The following GABRB2 variants were observed in gnomAD, a reference collection of about 807,000 sequenced individuals.
GABRB2 encodes gamma-aminobutyric acid receptor subunit beta-2.
In GABRB2, 16 loss-of-function variants were observed where a neutral mutation model predicts 54.7. The observed-to-expected ratio is 0.29, with a 90% CI of 0.20 to 0.44. The LOEUF (loss-of-function observed/expected upper bound fraction) is 0.44, where lower values mean the gene tolerates loss of function less well. Ranked by LOEUF, GABRB2 falls within the 20% of genes least tolerant of loss-of-function variation. The pLI is 1.00. For missense variants in GABRB2, 355 were observed against 644.0 expected, an observed-to-expected ratio of 0.55 and a Z score of 4.86; for synonymous variants, 244 against 233.8, an observed-to-expected ratio of 1.04 and a Z score of -0.40.
chr5:161,458,841 G>A (rs757629324), intron 4 of GABRB2, among the ~76,000 whole-genome samples: 29 of 152,154 alleles, frequency 1.9e-4, no homozygotes, highest in Non-Finnish European at 3.5e-4. Flanking sequence ...TCACCATTAT[G>A]AGAAGGTAAC....
intron 3 of GABRB2, among the ~76,000 whole-genome samples, chr5:161,478,761 G>A (rs559092103): frequency 6.6e-6 from 1 of 152,134 alleles, no homozygotes; most frequent in South Asian, 2.1e-4. Context: ...GTGATGAGCA[G>A]GGTCCATCCC....
At chr5:161,378,317 TGAG>T in intron 5 of GABRB2, among the ~76,000 whole-genome samples, 1 of 152,236 alleles carries the variant, frequency 6.6e-6, no homozygotes, top group Admixed American at 6.6e-5. Context: ...CTCCTAATCA[TGAG>T]AAGAAAAATA....
intron 4 of GABRB2, 104 bp from the exon 5 acceptor site, chr5:161,411,161 C>G: frequency 1.2e-6 from 1 of 812,876 alleles, no homozygotes; most frequent in South Asian, 1.6e-5. Context: ...ACCCTAAGTA[C>G]TAATGAAAAT....
intron 3 of GABRB2, among the ~76,000 whole-genome samples, chr5:161,469,672 C>CACACATACACACACACAT (rs1554102760): frequency 7.1e-6 from 1 of 141,154 alleles, no homozygotes; most frequent in African/African-American, 2.6e-5. Context: ...AAACATTATT[C>CACACATACACACACACAT]ACACATACAC....
chr5:161,299,245 C>T (rs1309536973), intron 9 of GABRB2, among the ~76,000 whole-genome samples: 1 of 152,146 alleles, frequency 6.6e-6, no homozygotes, highest in Non-Finnish European at 1.5e-5. Context: ...TATGGGAAAC[C>T]ACCACTTCCC....
chr5:161,338,868 C>T (rs1203020600), intron 5 of GABRB2, among the ~76,000 whole-genome samples: 1 of 152,098 alleles, frequency 6.6e-6, no homozygotes, highest in Non-Finnish European at 1.5e-5. Flanking sequence ...GTGAATTGAA[C>T]AGTAGGCAAA....
At chr5:161,412,727 C>G in intron 4 of GABRB2, among the ~76,000 whole-genome samples, 1 of 152,130 alleles carries the variant, frequency 6.6e-6, no homozygotes, top group East Asian at 1.9e-4. Flanking sequence ...GCCTAGAACA[C>G]GTGTCTCCCT....
intron 5 of GABRB2, among the ~76,000 whole-genome samples, chr5:161,364,144 A>T (rs1326540004): frequency 1.3e-5 from 2 of 152,142 alleles, no homozygotes. Flanking sequence ...GTCATTTTTA[A>T]TGTATATATA....
intron 3 of GABRB2, 41 bp from the exon 4 acceptor site, chr5:161,459,885 A>G: frequency 8.4e-7 from 1 of 1,192,404 alleles, no homozygotes. Context: ...GTTTACACCC[A>G]GACAGATCTG....
At chr5:161,314,495 C>G (rs1757967377) in intron 9 of GABRB2, among the ~76,000 whole-genome samples, 1 of 152,160 alleles carries the variant, frequency 6.6e-6, no homozygotes, top group African/African-American at 2.4e-5. Context: ...TCCTGCAAAC[C>G]TCTTCTCAGC....
chr5:161,540,863 T>A (rs1323414925), intron 3 of GABRB2, among the ~76,000 whole-genome samples: 1 of 151,428 alleles, frequency 6.6e-6, no homozygotes, highest in Non-Finnish European at 1.5e-5. Context: ...TATTATTATT[T>A]TGAGACAAGT....
At chr5:161,449,646 T>C (rs999175451) in intron 4 of GABRB2, among the ~76,000 whole-genome samples, 8 of 152,178 alleles carry the variant, frequency 5.3e-5, no homozygotes, top group African/African-American at 1.9e-4. Context: ...TTCTGTTGTT[T>C]TTCAGTCTAA....
chr5:161,510,247 T>G (rs987111309), intron 3 of GABRB2, among the ~76,000 whole-genome samples: 6 of 149,426 alleles, frequency 4.0e-5, no homozygotes, highest in African/African-American at 1.5e-4. Context: ...CTCCCCCAGC[T>G]CCCCCCCAAC....
At chr5:161,316,972 G>C (rs182124429) in intron 9 of GABRB2, among the ~76,000 whole-genome samples, 31 of 152,194 alleles carry the variant, frequency 2.0e-4, no homozygotes, top group African/African-American at 7.5e-4. Context: ...ACATGGGGTT[G>C]TAATTATCTT....
At chr5:161,511,310 T>C (rs1435521282) in intron 3 of GABRB2, among the ~76,000 whole-genome samples, 1 of 152,006 alleles carries the variant, frequency 6.6e-6, no homozygotes, top group Admixed American at 6.6e-5. Context: ...TTTAAATTGT[T>C]CTTTTCAGTT....
At chr5:161,325,538 C>T (rs887146837) in intron 9 of GABRB2, among the ~76,000 whole-genome samples, 1 of 152,034 alleles carries the variant, frequency 6.6e-6, no homozygotes, top group East Asian at 1.9e-4. Context: ...TAGCCTGATA[C>T]TTAGAAGATA....
chr5:161,396,173 G>A (rs1028991949), intron 5 of GABRB2, among the ~76,000 whole-genome samples: 15 of 152,106 alleles, frequency 9.9e-5, no homozygotes, highest in African/African-American at 2.4e-4. Context: ...TACCAGAAAC[G>A]AGGCCTAGAA....
At chr5:161,474,765 TG>T (rs1275614342) in intron 3 of GABRB2, among the ~76,000 whole-genome samples, 1 of 151,992 alleles carries the variant, frequency 6.6e-6, no homozygotes, top group African/African-American at 2.4e-5. Flanking sequence ...TTAACACATT[TG>T]TCTTTTTCTC....
intron 5 of GABRB2, among the ~76,000 whole-genome samples, chr5:161,393,259 G>T (rs1755886729): frequency 8.2e-6 from 1 of 122,214 alleles, no homozygotes; most frequent in Non-Finnish European, 1.6e-5. Flanking sequence ...TAAGGTATAA[G>T]ATTTCTTTAT....
Sources: allele counts gnomAD v4.1 joint callset (sites outside exome capture counted in the v4.1 genomes callset), GRCh38; gene constraint gnomAD v4.1.1; transcripts MANE v1.5; gene names NCBI Gene and HGNC (gene_info 2026-07-23, HGNC 2026-07-21).